Variants in SCAI observed in about 807,000 individuals in gnomAD.
The protein encoded by SCAI is protein SCAI.
In SCAI, 24 loss-of-function variants were observed where a neutral mutation model predicts 92.2. The observed-to-expected ratio is 0.26, with a 90% confidence interval of 0.19 to 0.37. The LOEUF is 0.37. Among genes scored for constraint, SCAI ranks in the 10% least tolerant of loss-of-function variants. SCAI has a pLI of 1.00. For synonymous variants in SCAI, 261 were observed against 258.6 expected (o/e 1.01, Z -0.09); for missense variants, 450 against 736.2 (o/e 0.61, Z 4.50).
intron 3 of SCAI, among the ~76,000 whole-genome samples, chr9:125,034,654 C>T (rs889198925): frequency 2.0e-5 from 3 of 152,084 alleles, no homozygotes; most frequent in Non-Finnish European, 2.9e-5. Flanking sequence ...GAGGCTGAGA[C>T]GGGAGGATTC....
intron 6 of SCAI, among the ~76,000 whole-genome samples, chr9:125,026,387 AAAAAAAAAG>A (rs1832965214): frequency 1.6e-5 from 2 of 128,546 alleles, no homozygotes; most frequent in African/African-American, 6.0e-5. Context: ...CTCCAAAAAA[AAAAAAAAAG>A]AGAGAGAAAA....
chr9:125,053,188 C>T (rs1486269633), intron 3 of SCAI, among the ~76,000 whole-genome samples: 6 of 152,030 alleles, frequency 3.9e-5, no homozygotes, highest in Non-Finnish European at 5.9e-5. Flanking sequence ...ACAAAAATTA[C>T]TTGGGCGTGG....
At chr9:125,093,355 C>T (rs1271929177) in intron 2 of SCAI, among the ~76,000 whole-genome samples, 1 of 151,972 alleles carries the variant, frequency 6.6e-6, no homozygotes, top group Non-Finnish European at 1.5e-5. Context: ...AACAAAACTC[C>T]ATCTCAAAAA....
chr9:124,978,566 T>TATATC (rs1225110659), intron 14 of SCAI, among the ~76,000 whole-genome samples: 1 of 152,218 alleles, frequency 6.6e-6, no homozygotes. Context: ...ATAAACACTT[T>TATATC]AGAAGACAAT....
At chr9:124,969,505 C>T (rs898477992) in intron 17 of SCAI, among the ~76,000 whole-genome samples, 14 of 152,102 alleles carry the variant, frequency 9.2e-5, no homozygotes, top group African/African-American at 3.4e-4. Flanking sequence ...ACATTCTTTA[C>T]AAAGAGAAAA....
chr9:125,031,644 A>G (rs1014176627), intron 3 of SCAI, among the ~76,000 whole-genome samples: 3 of 152,148 alleles, frequency 2.0e-5, no homozygotes, highest in Non-Finnish European at 4.4e-5. Context: ...ATTTTTTCTA[A>G]TTTTGTCAAT....
At chr9:125,021,858 A>AAG (rs1287520663) in intron 6 of SCAI, among the ~76,000 whole-genome samples, 2 of 152,142 alleles carry the variant, frequency 1.3e-5, no homozygotes, top group Non-Finnish European at 2.9e-5. Flanking sequence ...CTCTTGCCTC[A>AAG]GCCTTCTGAG....
At chr9:125,051,660 T>C (rs978717252) in intron 3 of SCAI, among the ~76,000 whole-genome samples, 7 of 152,252 alleles carry the variant, frequency 4.6e-5, no homozygotes, top group African/African-American at 1.4e-4. Flanking sequence ...AAAATTATTA[T>C]GTATCAATGT....
chr9:124,943,435 G>C lies in SCAI; in HGVS notation c.*9372C>G, dbSNP rs980470116. 12 of 152,160 alleles carry C rather than the reference G, an allele frequency of 7.9e-5. No homozygotes were observed. Among genetic ancestry groups the C allele is most frequent in the Admixed American group, 7.2e-4 (11 of 15,274 alleles). The allele number at this position is 152,160 out of a possible 1,614,324, so 9.4% of individuals were successfully genotyped here. ...GAATAGCTAAATAGGCAACCAAATA[G>C]CTTCATTATTTGCACGACAGATTAG... On this transcript the variant is annotated 3_prime_UTR_variant, in exon 18 of 18. Transcript: ENST00000336505.
chr9:125,089,454 C>A (rs1160571792), intron 2 of SCAI, among the ~76,000 whole-genome samples: 2 of 152,086 alleles, frequency 1.3e-5, no homozygotes, highest in Non-Finnish European at 2.9e-5. Context: ...AGCAGAATAA[C>A]CCATACAAAG....
intron 2 of SCAI, among the ~76,000 whole-genome samples, chr9:125,074,742 T>C (rs1588200080): frequency 6.6e-6 from 1 of 151,672 alleles, no homozygotes; most frequent in African/African-American, 2.4e-5. Context: ...AGGTGGCTCA[T>C]GCCTGTAATC....
intron 17 of SCAI, among the ~76,000 whole-genome samples, chr9:124,958,323 T>C (rs1324561122): frequency 6.6e-6 from 1 of 152,204 alleles, no homozygotes; most frequent in African/African-American, 2.4e-5. Context: ...TAAGACTTTT[T>C]TAAAGCTACA....
At chr9:125,094,451 T>C (rs1834504087) in intron 2 of SCAI, among the ~76,000 whole-genome samples, 1 of 152,192 alleles carries the variant, frequency 6.6e-6, no homozygotes, top group African/African-American at 2.4e-5. Context: ...ATCATCTTAT[T>C]GCATTTCTGG....
rs373059240 is a variant in SCAI, at chr9:125,028,427, A to G, written c.378T>C (p.Ile126=). The part of the protein sequence containing the change: ...YGLKRWQIGE[I]ASKIGQLYYH... The stretch of plus-strand genomic sequence containing the variant: ...AGTATAGCTGCCCAATCTTGGAAGC[A>G]ATTTCTCCTATTTGCCAGCGCTTCA... Residue 126 remains isoleucine, a synonymous_variant, in exon 5 of 18, where the codon ATT becomes ATC. Coordinates refer to ENST00000336505, the MANE Select transcript of SCAI (RefSeq NM_001144877.3). 2 of 1,602,314 alleles carry G rather than the reference A, an allele frequency of 1.2e-6. No homozygotes were observed. The highest frequency in any genetic ancestry group is 1.7e-6 in the Non-Finnish European group (2 of 1,174,724).
rs10114030 is a variant in SCAI at position 125,107,537 on chromosome 9, G to A, written c.98+35096C>T. 7.1e-3 allele frequency among the ~76,000 whole-genome samples: 1,088 copies of A among 152,328 alleles called. 15 individuals carry two copies. Among genetic ancestry groups the A allele is most frequent in the African/African-American group, 0.025 (1,046 of 41,570 alleles). ...TCCTAGCTATTCAGGAGGCTGAGGT[G>A]GGAGGATAACTTGAGCCCAGGAATT... On this transcript the variant is annotated intron_variant, in intron 2 of 17. Coordinates refer to ENST00000336505, the MANE Select transcript of SCAI (RefSeq NM_001144877.3).
chr9:125,032,484 G>A (rs910056111), intron 3 of SCAI, among the ~76,000 whole-genome samples: 1 of 151,476 alleles, frequency 6.6e-6, no homozygotes, highest in Non-Finnish European at 1.5e-5. Context: ...GAGCCACCAT[G>A]CCCGGCCTCT....
At chr9:125,143,236 GC>G in intron 1 of SCAI, 148 bp downstream of exon 1, 1 of 463,728 alleles carries the variant, frequency 2.2e-6, no homozygotes, top group South Asian at 9.3e-5. Flanking sequence ...GCCGCCGCCT[GC>G]AGGCGCCCCC....
intron 13 of SCAI, among the ~76,000 whole-genome samples, chr9:124,999,130 T>C (rs1008636641): frequency 6.6e-6 from 1 of 151,354 alleles, no homozygotes; most frequent in Non-Finnish European, 1.5e-5. Flanking sequence ...GGCTCACACC[T>C]GTAATCCCAA....
intron 17 of SCAI, among the ~76,000 whole-genome samples, chr9:124,967,350 T>A (rs908666206): frequency 1.1e-4 from 16 of 152,174 alleles, no homozygotes; most frequent in Admixed American, 6.5e-5. Flanking sequence ...CCATATTCTA[T>A]CCCCTCATTT....
Sources: gnomAD v4.1 joint callset for allele counts (sites outside exome capture counted in the v4.1 genomes callset) on GRCh38, gnomAD v4.1.1 for gene constraint, MANE v1.5 for transcripts, NCBI Gene and HGNC (gene_info 2026-07-23, HGNC 2026-07-21) for gene names.